Variants in DCAKD observed in about 807,000 individuals in gnomAD.
DCAKD encodes dephospho-CoA kinase domain containing.
In DCAKD, 15 loss-of-function variants were observed where a neutral mutation model predicts 18.7. That is an observed-to-expected ratio of 0.80 (90% CI 0.54 to 1.24). The LOEUF (loss-of-function observed/expected upper bound fraction) is 1.24. DCAKD is among the 50% of genes most tolerant of loss of function. DCAKD has a pLI of 0.00. For synonymous variants in DCAKD, 130 were observed against 133.0 expected (o/e 0.98, Z 0.16); for missense variants, 301 against 322.0 (o/e 0.93, Z 0.50).
At chr17:45,047,113 G>T (rs1240126841) in intron 1 of DCAKD, among the ~76,000 whole-genome samples, 4 of 133,862 alleles carry the variant, frequency 3.0e-5, no homozygotes, top group Non-Finnish European at 4.6e-5. Context: ...GGTGTTCAAA[G>T]AACTGAGTGA....
intron 3 of DCAKD, chr17:45,031,037 G>A (rs2053162322): frequency 2.0e-6 from 2 of 985,288 alleles, no homozygotes; most frequent in Non-Finnish European, 2.4e-6. Context: ...AGCTGGGAGG[G>A]CTCCAGGAGA....
At chr17:45,051,277 C>G (rs2053688308) in intron 1 of DCAKD, 84 bp downstream of exon 1, 1 of 152,244 alleles carries the variant, frequency 6.6e-6, no homozygotes, top group African/African-American at 2.4e-5. Flanking sequence ...TCCTGCGCGT[C>G]CTCAGCCGTA....
chr17:45,024,628 G>GT lies in DCAKD; in HGVS notation c.500dup (p.Asp167GlufsTer29). The GT allele has an allele frequency of 6.2e-7, 1 of 1,613,736 alleles. No individual in the cohort carries two copies. Among genetic ancestry groups the GT allele is most frequent in the Non-Finnish European group, 8.5e-7 (1 of 1,179,682 alleles). On this transcript the variant is annotated frameshift_variant, in exon 5 of 5. Transcript: ENST00000651974. LOFTEE classifies it high-confidence loss of function. ...GGACATGGCGGGCCATGCGGGCCTT[G>GT]TCTGTCAGGGGCAGCTGGGCATTGA...
At chr17:45,044,473 C>T (rs1375340425) in intron 1 of DCAKD, among the ~76,000 whole-genome samples, 1 of 152,178 alleles carries the variant, frequency 6.6e-6, no homozygotes, top group East Asian at 1.9e-4. Context: ...AGGCGGGTCA[C>T]CTGAGGTCAG....
In DCAKD at chr17:45,024,637, G is replaced by C. The variant is rs770686282; in HGVS notation, c.492C>G (p.Pro164=). The C allele has an allele frequency of 2.5e-6, 4 of 1,613,310 alleles. No homozygotes were observed. The highest frequency in any genetic ancestry group is 3.4e-6 in the Non-Finnish European group (4 of 1,179,372). Residue 164 remains proline (P), a synonymous_variant, in exon 5 of 5, where the codon CCC becomes CCG. Transcript: ENST00000651974. The part of the protein sequence containing the change: ...DAEARINAQL[P]LTDKARMARH... Reference sequence around the variant, plus strand: ...GGGCCATGCGGGCCTTGTCTGTCAGGGGCAGCTGGGCATTGATGCGGGCCT... The same window carrying C: ...GGGCCATGCGGGCCTTGTCTGTCAGCGGCAGCTGGGCATTGATGCGGGCCT...
At chr17:45,032,143 A>G (rs1347000049) in intron 3 of DCAKD, 1 of 985,150 alleles carries the variant, frequency 1.0e-6, no homozygotes, top group Non-Finnish European at 1.2e-6. Context: ...GAGAATGCAG[A>G]AAGGGCAGGA....
At chr17:45,024,790 C>G in intron 4 of DCAKD, 66 bp from the exon 5 acceptor site, 1 of 1,495,250 alleles carries the variant, frequency 6.7e-7, no homozygotes, top group Non-Finnish European at 8.9e-7. Context: ...CAGGGATAGG[C>G]AGCCCTGCCA....
At chr17:45,026,934 C>T (rs2053067875) in intron 4 of DCAKD, 1 of 454,878 alleles carries the variant, frequency 2.2e-6, no homozygotes, top group African/African-American at 2.1e-5. Context: ...GGCAGCACCT[C>T]CGACAGCCCT....
At chr17:45,026,454 C>T (rs2053058760) in intron 4 of DCAKD, 1 of 219,978 alleles carries the variant, frequency 4.5e-6, no homozygotes, top group Admixed American at 6.6e-5. Context: ...TCTCGATCTC[C>T]TGACCTTGTG....
intron 4 of DCAKD, among the ~76,000 whole-genome samples, chr17:45,027,990 TAAAA>T (rs573749050): frequency 8.7e-6 from 1 of 115,454 alleles, no homozygotes; most frequent in Admixed American, 9.0e-5. Flanking sequence ...CATCTCAATT[TAAAA>T]AAAAAAAAAA....
intron 3 of DCAKD, among the ~76,000 whole-genome samples, chr17:45,030,569 G>A (rs1350193111): frequency 2.6e-5 from 4 of 152,248 alleles, no homozygotes; most frequent in African/African-American, 9.6e-5. Context: ...AGGTGATCAG[G>A]GCAGGCACTA....
At chr17:45,053,895 C>A (rs1288630859), upstream of DCAKD, among the ~76,000 whole-genome samples, 1 of 152,152 alleles carries the variant, frequency 6.6e-6, no homozygotes, top group Non-Finnish European at 1.5e-5. Flanking sequence ...CCTACCCTGT[C>A]TCCCTTCCCT....
chr17:45,058,502 C>T (rs994612077), intron 1 of DCAKD, among the ~76,000 whole-genome samples: 1 of 151,852 alleles, frequency 6.6e-6, no homozygotes, highest in African/African-American at 2.4e-5. Context: ...TTACTGCAAC[C>T]TCCGCCTCCC....
rs2053003662 is a variant in DCAKD at position 45,024,278 on chromosome 17, GGA to G, written c.*153_*154del. 4.1e-6 allele frequency: 4 copies of G among 982,640 alleles called. No homozygotes were observed. The highest frequency in any genetic ancestry group is 3.8e-5 in the South Asian group (2 of 52,292). 60.9% of individuals were successfully genotyped at this position (982,640 alleles called of 1,614,324 possible). ...TGGCACAGAGGCCCAGCCCTGATTC[GGA>G]GAGTCCGTGTGTGTGTGTGTGTGTG... On this transcript the variant is annotated 3_prime_UTR_variant, in exon 5 of 5. Transcript: ENST00000651974.
At position 45,024,520 on chromosome 17, in the gene DCAKD, C is replaced by T; in HGVS notation, c.609G>A (p.Leu203=). Residue 203 remains leucine (L), a synonymous_variant, in exon 5 of 5, where the codon CTG becomes CTA. Transcript: ENST00000651974. The part of the protein sequence containing the change: ...HTELERSLEY[L]PLRFGVLTGL... ...CTGTGAGGACCCCAAACCTCAGCGG[C>T]AGGTACTCCAGGGAGCGCTCCAGCT... 6.2e-7 allele frequency: 1 copy of T among 1,614,120 alleles called. No homozygotes were observed. The highest frequency in any genetic ancestry group is 8.5e-7 in the Non-Finnish European group (1 of 1,179,986).
chr17:45,056,425 C>G (rs1314293195), upstream of DCAKD, among the ~76,000 whole-genome samples: 1 of 152,008 alleles, frequency 6.6e-6, no homozygotes, highest in African/African-American at 2.4e-5. Flanking sequence ...AGAGGCAGAG[C>G]CAGGATTTAG....
At chr17:45,029,996 G>T (rs944801891) in intron 4 of DCAKD, 96 bp downstream of exon 4, 6 of 1,146,240 alleles carry the variant, frequency 5.2e-6, no homozygotes, top group African/African-American at 4.6e-5. Flanking sequence ...CCTCTTGGCC[G>T]CCCCGTGGGG....
chr17:45,044,908 A>G (rs2053531601), intron 1 of DCAKD, among the ~76,000 whole-genome samples: 1 of 152,170 alleles, frequency 6.6e-6, no homozygotes, highest in Non-Finnish European at 1.5e-5. Flanking sequence ...ACTGCTCTCA[A>G]TGGACAGCGA....
chr17:45,034,402 GGAA>G lies in DCAKD; in HGVS notation c.113-15_113-13del, dbSNP rs776126345. On this transcript the variant is annotated splice_polypyrimidine_tract_variant and intron_variant, in intron 2 of 4. Transcript: ENST00000651974. ...TCCTGGCTGCACGACTGTGGCAGGA[GGAA>G]GAAGCTGGGTCACTCCCTGAAGCCT... 1 of 1,613,126 alleles carries G rather than the reference GGAA, an allele frequency of 6.2e-7. No individual in the cohort carries two copies. The highest frequency in any genetic ancestry group is 8.5e-7 in the Non-Finnish European group (1 of 1,179,830).
Sources: allele counts gnomAD v4.1 joint callset (sites outside exome capture counted in the v4.1 genomes callset), GRCh38; gene constraint gnomAD v4.1.1; transcripts MANE v1.5; gene names NCBI Gene and HGNC (gene_info 2026-07-23, HGNC 2026-07-21).